Variants in DLG2 observed in about 807,000 individuals in gnomAD.
The protein encoded by DLG2 is discs large MAGUK scaffold protein 2, also known as disks large homolog 2.
In DLG2, 45 loss-of-function variants were observed where a neutral mutation model predicts 132.5. The observed-to-expected ratio is 0.34, with a 90% CI of 0.27 to 0.44. The LOEUF (loss-of-function observed/expected upper bound fraction) is 0.44, where lower values mean the gene tolerates loss of function less well. Ranked by LOEUF, DLG2 falls within the 20% of genes least tolerant of loss-of-function variation. The pLI, the probability that DLG2 is intolerant of heterozygous loss-of-function variation, is 1.00. For synonymous variants in DLG2, 424 were observed against 419.6 expected, an observed-to-expected ratio of 1.01 and a Z score of -0.13; for missense variants, 1,045 against 1,196.9, an observed-to-expected ratio of 0.87 and a Z score of 1.87.
chr11:84,795,027 C>T (rs955158429), intron 6 of DLG2, among the ~76,000 whole-genome samples: 1 of 152,224 alleles, frequency 6.6e-6, no homozygotes, highest in Admixed American at 6.5e-5. Flanking sequence ...CCTGGGACAG[C>T]CTGAAGCCTG....
At chr11:84,559,884 A>G (rs1196570204) in intron 6 of DLG2, among the ~76,000 whole-genome samples, 1 of 152,156 alleles carries the variant, frequency 6.6e-6, no homozygotes, top group African/African-American at 2.4e-5. Context: ...TATGAGATAC[A>G]AGAAAATGGG....
intron 6 of DLG2, among the ~76,000 whole-genome samples, chr11:85,092,789 T>C (rs2069006362): frequency 1.3e-5 from 2 of 151,956 alleles, no homozygotes; most frequent in African/African-American, 4.8e-5. Flanking sequence ...ACTACAGGCA[T>C]GCGCTGCCAC....
intron 3 of DLG2, among the ~76,000 whole-genome samples, chr11:85,384,851 C>T (rs572773814): frequency 5.9e-5 from 9 of 152,156 alleles, no homozygotes; most frequent in East Asian, 5.8e-4. Context: ...GGATTACAGG[C>T]GTGAGCCACC....
chr11:85,406,679 T>C (rs1456908345), intron 3 of DLG2, among the ~76,000 whole-genome samples: 2 of 151,954 alleles, frequency 1.3e-5, no homozygotes, highest in Non-Finnish European at 2.9e-5. Flanking sequence ...AGCATGACTT[T>C]TATTCATTCA....
intron 6 of DLG2, among the ~76,000 whole-genome samples, chr11:84,767,876 T>G (rs2153882084): frequency 6.6e-6 from 1 of 152,258 alleles, no homozygotes; most frequent in Admixed American, 6.5e-5. Context: ...ATTATTGACC[T>G]TGAGTTTCTC....
chr11:85,535,777 T>C (rs1035406940), intron 3 of DLG2, among the ~76,000 whole-genome samples: 3 of 152,176 alleles, frequency 2.0e-5, no homozygotes, highest in Non-Finnish European at 2.9e-5. Context: ...AAATATGATA[T>C]ATTCATACAA....
At chr11:85,563,988 G>T (rs908611729) in intron 3 of DLG2, among the ~76,000 whole-genome samples, 3 of 152,064 alleles carry the variant, frequency 2.0e-5, no homozygotes, top group Admixed American at 6.6e-5. Flanking sequence ...AAGCTATCTA[G>T]ATTTGTCTAG....
chr11:84,046,280 G>A (rs375558339), intron 11 of DLG2, among the ~76,000 whole-genome samples: 21 of 151,600 alleles, frequency 1.4e-4, no homozygotes, highest in East Asian at 1.9e-4. Context: ...GCTATTAAAC[G>A]TAATGAGTGA....
At chr11:85,312,831 A>G (rs529698410) in intron 3 of DLG2, among the ~76,000 whole-genome samples, 26 of 152,124 alleles carry the variant, frequency 1.7e-4, no homozygotes, top group Middle Eastern at 6.8e-3. Flanking sequence ...CATTAAATTG[A>G]TGGATGTGGC....
chr11:83,632,615 T>C (rs979644212), intron 19 of DLG2: 2 of 152,314 alleles, frequency 1.3e-5, no homozygotes, highest in Non-Finnish European at 2.9e-5. Flanking sequence ...GCATTTCACA[T>C]TCAATCAATC....
At chr11:84,584,227 G>A (rs1464901856) in intron 6 of DLG2, among the ~76,000 whole-genome samples, 1 of 152,058 alleles carries the variant, frequency 6.6e-6, no homozygotes, top group Admixed American at 6.6e-5. Flanking sequence ...GTATAAAATG[G>A]TATCGGGCTT....
At chr11:84,472,651 C>T (rs2099111391) in intron 7 of DLG2, among the ~76,000 whole-genome samples, 1 of 151,888 alleles carries the variant, frequency 6.6e-6, no homozygotes, top group Non-Finnish European at 1.5e-5. Context: ...AATGTTCATA[C>T]TTAAGCCCAT....
intron 6 of DLG2, among the ~76,000 whole-genome samples, chr11:84,861,867 C>A (rs1240314211): frequency 6.6e-6 from 1 of 151,900 alleles, no homozygotes; most frequent in African/African-American, 2.4e-5. Flanking sequence ...AGCTCATCAT[C>A]GAGTTCATGT....
At chr11:84,531,627 T>C (rs1186007520) in intron 7 of DLG2, among the ~76,000 whole-genome samples, 1 of 152,132 alleles carries the variant, frequency 6.6e-6, no homozygotes, top group Non-Finnish European at 1.5e-5. Flanking sequence ...TGAGCTTCCC[T>C]TTCCCTCCTC....
At chr11:83,842,832 A>C (rs1291644032) in intron 16 of DLG2, among the ~76,000 whole-genome samples, 1 of 147,344 alleles carries the variant, frequency 6.8e-6, no homozygotes, top group Non-Finnish European at 1.5e-5. Context: ...AAAAAAAAAA[A>C]AGAAGGAAAA....
intron 6 of DLG2, among the ~76,000 whole-genome samples, chr11:84,820,298 T>C (rs1302037850): frequency 6.6e-6 from 1 of 151,874 alleles, no homozygotes; most frequent in East Asian, 1.9e-4. Flanking sequence ...ATGGCCTTAC[T>C]TCACAATGAC....
At chr11:85,137,008 G>A (rs780427757) in intron 5 of DLG2, among the ~76,000 whole-genome samples, 4 of 151,824 alleles carry the variant, frequency 2.6e-5, no homozygotes, top group African/African-American at 7.3e-5. Context: ...ATATACATAT[G>A]TGCATACATA....
intron 7 of DLG2, among the ~76,000 whole-genome samples, chr11:84,473,845 T>A (rs991383983): frequency 6.6e-6 from 1 of 152,056 alleles, no homozygotes; most frequent in African/African-American, 2.4e-5. Context: ...ATTCTAAGCA[T>A]CCTCAATATT....
At chr11:84,264,666 T>C (rs2097590602) in intron 7 of DLG2, among the ~76,000 whole-genome samples, 1 of 152,198 alleles carries the variant, frequency 6.6e-6, no homozygotes, top group South Asian at 2.1e-4. Context: ...GGAATTGTAA[T>C]CTCAGGTACT....
Sources: gnomAD v4.1 joint callset for allele counts (sites outside exome capture counted in the v4.1 genomes callset) on GRCh38, gnomAD v4.1.1 for gene constraint, MANE v1.5 for transcripts, NCBI Gene and HGNC (gene_info 2026-07-23, HGNC 2026-07-21) for gene names.